Variants in PCDH9 observed in about 807,000 individuals in gnomAD.
PCDH9 encodes the protein protocadherin-9.
In PCDH9, 24 loss-of-function variants were observed where a neutral mutation model predicts 70.6. The ratio of observed to expected loss-of-function variants is 0.34; its 90% CI spans 0.25 to 0.48. The LOEUF (loss-of-function observed/expected upper bound fraction) is 0.48, where lower values mean the gene tolerates loss of function less well. PCDH9 is among the 20% of genes least tolerant of loss of function. The probability of loss-of-function intolerance (pLI) is 0.99; values close to 1 mark genes in which losing one functional copy is unlikely to be tolerated. For synonymous variants in PCDH9, 562 were observed against 558.5 expected (o/e 1.01, Z -0.09); for missense variants, 1,281 against 1,503.6 (o/e 0.85, Z 2.45).
At chr13:66,748,735 C>T (rs964865051) in intron 3 of PCDH9, among the ~76,000 whole-genome samples, 3 of 152,148 alleles carry the variant, frequency 2.0e-5, no homozygotes, top group Non-Finnish European at 1.5e-5. Context: ...CATAATATTG[C>T]TTAAGGATAC....
chr13:66,508,475 C>G (rs577080091), intron 4 of PCDH9, among the ~76,000 whole-genome samples: 3 of 152,170 alleles, frequency 2.0e-5, no homozygotes, highest in Non-Finnish European at 2.9e-5. Flanking sequence ...AGATAACAGA[C>G]ATTGAATTCT....
rs139943096 is a variant in PCDH9 at position 66,594,041 on chromosome 13, A to T, written c.3340+37169T>A. ...CACAGTTACTGTTTTTTAATACAAC[A>T]TACCACAGGACTACACAAAATATCT... is the stretch of plus-strand genomic sequence containing the variant. On this transcript the variant is annotated intron_variant, in intron 4 of 4. Transcript: ENST00000377865. Among the ~76,000 whole-genome samples the T allele has an allele frequency of 4.0e-5, 6 of 151,878 alleles. No individual in the cohort carries two copies. The East Asian group carries it at 9.7e-4, about 25-fold the overall frequency.
At chr13:66,737,751 T>A (rs1441240204) in intron 3 of PCDH9, among the ~76,000 whole-genome samples, 1 of 151,860 alleles carries the variant, frequency 6.6e-6, no homozygotes, top group Non-Finnish European at 1.5e-5. Context: ...ACCTGGAAAA[T>A]CGGGCCACTC....
At chr13:66,546,837 A>G (rs1185036299) in intron 4 of PCDH9, among the ~76,000 whole-genome samples, 1 of 152,064 alleles carries the variant, frequency 6.6e-6, no homozygotes, top group East Asian at 1.9e-4. Context: ...CTATGTTTCC[A>G]TATGTTTAGG....
At chr13:66,408,654 T>G (rs1297479439) in intron 4 of PCDH9, among the ~76,000 whole-genome samples, 2 of 152,164 alleles carry the variant, frequency 1.3e-5, no homozygotes, top group Non-Finnish European at 2.9e-5. Flanking sequence ...CAAATGCAAA[T>G]GCACATATTT....
At chr13:66,504,399 T>C (rs903001850) in intron 4 of PCDH9, among the ~76,000 whole-genome samples, 1 of 152,162 alleles carries the variant, frequency 6.6e-6, no homozygotes, top group Non-Finnish European at 1.5e-5. Flanking sequence ...CTCTAACCCT[T>C]GAATCTGAGC....
chr13:66,482,465 T>C (rs1958859498), intron 4 of PCDH9, among the ~76,000 whole-genome samples: 1 of 152,194 alleles, frequency 6.6e-6, no homozygotes, highest in African/African-American at 2.4e-5. Context: ...TGGGTCACTC[T>C]ACCACCCTTA....
chr13:66,467,904 A>G (rs375834329), intron 4 of PCDH9, among the ~76,000 whole-genome samples: 3 of 151,878 alleles, frequency 2.0e-5, no homozygotes, highest in South Asian at 2.1e-4. Context: ...TCTCATTGAA[A>G]CCGCTCTTGT....
chr13:66,618,771 G>A (rs917044964), intron 4 of PCDH9, among the ~76,000 whole-genome samples: 5 of 151,990 alleles, frequency 3.3e-5, no homozygotes, highest in South Asian at 2.1e-4. Flanking sequence ...TCCCCCATAG[G>A]GAAGATTACA....
chr13:66,421,754 CT>C (rs1957571033), intron 4 of PCDH9, among the ~76,000 whole-genome samples: 1 of 152,098 alleles, frequency 6.6e-6, no homozygotes, highest in Non-Finnish European at 1.5e-5. Flanking sequence ...ACTGCACCAA[CT>C]GGGGGGAAAA....
intron 2 of PCDH9, among the ~76,000 whole-genome samples, chr13:67,160,492 A>T (rs1373637808): frequency 6.6e-6 from 1 of 152,058 alleles, no homozygotes; most frequent in Non-Finnish European, 1.5e-5. Flanking sequence ...GGTTGCAGTG[A>T]GCTGAGATCG....
At chr13:66,432,717 A>G (rs1042313047) in intron 4 of PCDH9, among the ~76,000 whole-genome samples, 20 of 151,988 alleles carry the variant, frequency 1.3e-4, no homozygotes, top group African/African-American at 4.8e-4. Context: ...ACAATTGAAC[A>G]TAGGACTAAA....
At chr13:66,440,258 A>C (rs993285850) in intron 4 of PCDH9, among the ~76,000 whole-genome samples, 7 of 152,094 alleles carry the variant, frequency 4.6e-5, no homozygotes, top group African/African-American at 1.7e-4. Flanking sequence ...GTCTCAGATA[A>C]TTTTCCTTAC....
intron 4 of PCDH9, among the ~76,000 whole-genome samples, chr13:66,422,526 G>A (rs900992972): frequency 1.3e-5 from 2 of 152,270 alleles, no homozygotes; most frequent in African/African-American, 4.8e-5. Context: ...CAACTACATG[G>A]AAACTGAACA....
chr13:67,217,119 C>T (rs1474243648), intron 2 of PCDH9: 1 of 151,896 alleles, frequency 6.6e-6, no homozygotes, highest in Non-Finnish European at 1.5e-5. Context: ...CCACCGAATC[C>T]AAAAAACCAC....
intron 2 of PCDH9, among the ~76,000 whole-genome samples, chr13:67,098,474 C>T (rs2086366786): frequency 6.6e-6 from 1 of 152,056 alleles, no homozygotes; most frequent in Non-Finnish European, 1.5e-5. Context: ...GAAATTGTGT[C>T]ACTTTCCTAT....
At chr13:66,379,775 ATTATATTTTTG>A (rs1384884827) in intron 4 of PCDH9, among the ~76,000 whole-genome samples, 1 of 152,180 alleles carries the variant, frequency 6.6e-6, no homozygotes, top group Non-Finnish European at 1.5e-5. Context: ...CTGTGTCTGA[ATTATATTTTTG>A]CCTGTATATA....
intron 4 of PCDH9, among the ~76,000 whole-genome samples, chr13:66,446,542 C>A (rs1958093277): frequency 6.6e-6 from 1 of 151,950 alleles, no homozygotes; most frequent in African/African-American, 2.4e-5. Context: ...ATTAAAAGAT[C>A]CATGCTACAT....
At chr13:66,832,317 A>G (rs562768173) in intron 3 of PCDH9, among the ~76,000 whole-genome samples, 2 of 152,216 alleles carry the variant, frequency 1.3e-5, no homozygotes, top group Non-Finnish European at 2.9e-5. Context: ...GAATTAGAAT[A>G]TTCTTACATT....
Sources: gnomAD v4.1 joint callset for allele counts (sites outside exome capture counted in the v4.1 genomes callset) on GRCh38, gnomAD v4.1.1 for gene constraint, MANE v1.5 for transcripts, NCBI Gene and HGNC (gene_info 2026-07-23, HGNC 2026-07-21) for gene names.